USP32: variants seen among roughly 807,000 people sequenced by gnomAD.
USP32 encodes ubiquitin carboxyl-terminal hydrolase 32.
Under a neutral mutation model 204.8 loss-of-function variants are expected in USP32, and 59 were observed. The observed-to-expected ratio is 0.29, with a 90% CI of 0.23 to 0.36. The LOEUF (loss-of-function observed/expected upper bound fraction) is 0.36, where lower values mean the gene tolerates loss of function less well. Ranked by LOEUF, USP32 falls within the 10% of genes least tolerant of loss-of-function variation. The pLI is 1.00. For synonymous variants in USP32, 517 were observed against 678.4 expected (o/e 0.76, Z 3.70); for missense variants, 1,160 against 1,946.4 (o/e 0.60, Z 7.60).
intron 11 of USP32, among the ~76,000 whole-genome samples, chr17:60,239,458 TATG>T (rs1468121108): frequency 6.6e-6 from 1 of 152,204 alleles, no homozygotes; most frequent in Non-Finnish European, 1.5e-5. Context: ...TGTTGACACA[TATG>T]ATGTTGTTCT....
At chr17:60,371,933 A>T (rs2089450206) in intron 1 of USP32, among the ~76,000 whole-genome samples, 1 of 152,236 alleles carries the variant, frequency 6.6e-6, no homozygotes, top group African/African-American at 2.4e-5. Flanking sequence ...TTGTGCTAGA[A>T]AAGTAATCAA....
chr17:60,240,659 CG>C (rs567981505), intron 11 of USP32, among the ~76,000 whole-genome samples: 113 of 152,252 alleles, frequency 7.4e-4, no homozygotes, highest in African/African-American at 2.6e-3. Context: ...TGAAAGTTTA[CG>C]GGTCTTATAA....
At chr17:60,234,743 A>ATTT (rs202019898) in intron 12 of USP32, among the ~76,000 whole-genome samples, 1 of 150,080 alleles carries the variant, frequency 6.7e-6, no homozygotes, top group African/African-American at 2.5e-5. Context: ...AAAAAAAAAA[A>ATTT]TTTTTTTTTG....
intron 1 of USP32, among the ~76,000 whole-genome samples, chr17:60,352,676 G>T (rs2088976393): frequency 6.6e-6 from 1 of 152,180 alleles, no homozygotes; most frequent in Admixed American, 6.5e-5. Context: ...ACTGGGAAAA[G>T]GTCAGAATGG....
intron 2 of USP32, among the ~76,000 whole-genome samples, chr17:60,308,408 GCCACACC>G (rs1456816194): frequency 6.6e-6 from 1 of 152,278 alleles, no homozygotes; most frequent in African/African-American, 2.4e-5. Flanking sequence ...GAAGAAGGGA[GCCACACC>G]CCCATCACAC....
chr17:60,275,184 C>T (rs1158829774), intron 5 of USP32, among the ~76,000 whole-genome samples: 1 of 152,122 alleles, frequency 6.6e-6, no homozygotes, highest in African/African-American at 2.4e-5. Context: ...TGGCCGGGCG[C>T]GGTGGCTCAC....
chr17:60,266,655 ATTT>A (rs34028475), intron 7 of USP32, among the ~76,000 whole-genome samples: 3 of 97,628 alleles, frequency 3.1e-5, no homozygotes, highest in Non-Finnish European at 2.1e-5. Context: ...CACCCAGGTA[ATTT>A]TTTTTTTTTT....
chr17:60,321,018 C>T (rs2088100058), intron 2 of USP32, among the ~76,000 whole-genome samples: 1 of 152,064 alleles, frequency 6.6e-6, no homozygotes, highest in African/African-American at 2.4e-5. Context: ...CGCAGTAGCA[C>T]AAAGTATATG....
Position 60,334,196 on chromosome 17 carries a change from G to A in USP32, c.186+11285C>T, listed in dbSNP as rs189929868. Reference sequence around the variant, plus strand: ...CTATAGTATTATAATATATATTACAGTTAATTTTATGCAGTTATGGTTTAA... The same window carrying A: ...CTATAGTATTATAATATATATTACAATTAATTTTATGCAGTTATGGTTTAA... On this transcript the variant is annotated intron_variant, in intron 2 of 33. Transcript: ENST00000300896. Among the ~76,000 whole-genome samples, 87 of 152,234 alleles carry A rather than the reference G, an allele frequency of 5.7e-4. 2 individuals are homozygous for A. The East Asian group carries it at 0.017, about 29-fold the overall frequency.
At chr17:60,355,382 A>G (rs529578640) in intron 1 of USP32, among the ~76,000 whole-genome samples, 4 of 152,208 alleles carry the variant, frequency 2.6e-5, no homozygotes, top group Non-Finnish European at 4.4e-5. Flanking sequence ...ATTTTAGGAT[A>G]TAAAAATTTT....
intron 2 of USP32, among the ~76,000 whole-genome samples, chr17:60,318,778 A>G (rs1467507011): frequency 6.6e-6 from 1 of 152,224 alleles, no homozygotes; most frequent in Non-Finnish European, 1.5e-5. Context: ...TGCTACATCA[A>G]TTTATAACAT....
chr17:60,333,105 A>T (rs531419028), intron 2 of USP32, among the ~76,000 whole-genome samples: 1 of 152,332 alleles, frequency 6.6e-6, no homozygotes, highest in Non-Finnish European at 1.5e-5. Context: ...ATTACAGTTG[A>T]CCCTTGAACA....
At chr17:60,297,010 AAG>A (rs1448381427) in intron 3 of USP32, among the ~76,000 whole-genome samples, 2 of 152,170 alleles carry the variant, frequency 1.3e-5, no homozygotes. Flanking sequence ...TAAAGATCAG[AAG>A]ACTGACAGAC....
chr17:60,410,444 A>G (rs183842969), intron 1 of USP32, among the ~76,000 whole-genome samples: 1,642 of 151,536 alleles, frequency 0.011, 40 homozygotes, highest in African/African-American at 0.038. Context: ...TGAGGCGGGC[A>G]GATCACAAGG....
chr17:60,392,275 G>T, upstream of USP32: 1 of 379,768 alleles, frequency 2.6e-6, no homozygotes, highest in Non-Finnish European at 4.8e-6. Context: ...CGGGACCCGA[G>T]GCCAGACACT....
chr17:60,349,644 TATATATATAC>T lies in USP32; in HGVS notation c.59-4046_59-4037del, dbSNP rs1272286279. On this transcript the variant is annotated intron_variant, in intron 1 of 33. Transcript: ENST00000300896. ...ATATATTATATATATATATATATAT[TATATATATAC>T]ATATATATACACATATATATATACA... Among the ~76,000 whole-genome samples, 6 of 96,358 alleles carry T rather than the reference TATATATATAC, an allele frequency of 6.2e-5. No homozygotes were observed. In the East Asian group the frequency reaches 1.3e-3, roughly 21 times the overall value. The allele number at this position is 96,358 out of a possible 152,430, so 63.2% of individuals were successfully genotyped here.
At chr17:60,420,678 C>T (rs921327610) in intron 1 of USP32, among the ~76,000 whole-genome samples, 1 of 152,032 alleles carries the variant, frequency 6.6e-6, no homozygotes, top group Admixed American at 6.6e-5. Context: ...AAACAAACAA[C>T]AAACAAACAA....
At chr17:60,421,603 G>A (rs967278389) in intron 1 of USP32, 12 of 982,838 alleles carry the variant, frequency 1.2e-5, no homozygotes, top group African/African-American at 7.0e-5. Flanking sequence ...CGGGGGCAAC[G>A]GTCTCTCGTC....
In USP32 at chr17:60,179,126, T is replaced by G. The variant is rs910606536; in HGVS notation, c.*129A>C. 1 of 1,064,766 alleles carries G rather than the reference T, an allele frequency of 9.4e-7. No individual in the cohort carries two copies. Among genetic ancestry groups the G allele is most frequent in the African/African-American group, 1.6e-5 (1 of 61,962 alleles). 66.0% of individuals were successfully genotyped at this position (1,064,766 alleles called of 1,614,324 possible). On this transcript the variant is annotated 3_prime_UTR_variant, in exon 34 of 34. Transcript: ENST00000300896. Reference sequence around the variant, plus strand: ...TAACTATTTTAATTAGAATTTTTATTTTGTGCTTCAGGGCCACAGGATAAA... The same window carrying G: ...TAACTATTTTAATTAGAATTTTTATGTTGTGCTTCAGGGCCACAGGATAAA...
Sources: gnomAD v4.1 joint callset for allele counts (sites outside exome capture counted in the v4.1 genomes callset) on GRCh38, gnomAD v4.1.1 for gene constraint, MANE v1.5 for transcripts, NCBI Gene and HGNC (gene_info 2026-07-23, HGNC 2026-07-21) for gene names.